TAX1BP1: variants seen among roughly 807,000 people sequenced by gnomAD.
TAX1BP1 encodes the protein Tax1 binding protein 1, also known as tax1-binding protein 1.
TAX1BP1 carries 62 observed loss-of-function variants against 97.7 expected under a neutral mutation model. The ratio of observed to expected loss-of-function variants is 0.63; its 90% CI spans 0.52 to 0.78. The LOEUF is 0.78. TAX1BP1 is among the 30% of genes least tolerant of loss of function. The pLI is 0.00. For missense variants in TAX1BP1, 867 were observed against 916.1 expected, an observed-to-expected ratio of 0.95 and a Z score of 0.69; for synonymous variants, 340 against 304.2, an observed-to-expected ratio of 1.12 and a Z score of -1.23.
At chr7:27,789,197 C>A (rs899522147) in intron 8 of TAX1BP1, among the ~76,000 whole-genome samples, 1 of 151,964 alleles carries the variant, frequency 6.6e-6, no homozygotes, top group Admixed American at 6.6e-5. Flanking sequence ...ATAGAAACGC[C>A]ATGTTCAAAA....
At chr7:27,758,424 A>G (rs1235753836) in intron 3 of TAX1BP1, 4 of 211,592 alleles carry the variant, frequency 1.9e-5, no homozygotes, top group Middle Eastern at 1.6e-3. Flanking sequence ...AGAAAACAAT[A>G]CAATAGTAAT....
chr7:27,742,203 C>T (rs1446737989), intron 1 of TAX1BP1, among the ~76,000 whole-genome samples: 4 of 152,150 alleles, frequency 2.6e-5, no homozygotes, highest in Admixed American at 2.6e-4. Flanking sequence ...AGACCCTTTA[C>T]GGATGTCGGG....
At chr7:27,787,296 A>G (rs543167578) in intron 7 of TAX1BP1, 122 bp from the exon 8 acceptor site, 4 of 842,876 alleles carry the variant, frequency 4.7e-6, no homozygotes, top group Admixed American at 3.4e-5. Context: ...CCTAAATCCT[A>G]GTCTAGTATG....
rs1187889976 is a variant in TAX1BP1 at position 27,792,119 on chromosome 7, A to G, written c.1152A>G (p.Arg384=). 3 of 1,614,102 alleles carry G rather than the reference A, an allele frequency of 1.9e-6. No homozygotes were observed. The highest frequency in any genetic ancestry group is 8.5e-7 in the Non-Finnish European group (1 of 1,180,030). The part of the protein sequence containing the change: ...AKELSDAVNV[R]DRTMADLHTA... ...AACTCAGTGATGCTGTCAACGTACG[A>G]GACAGAACGATGGCAGACCTGCATA... The change falls in exon 9 of 17, where the codon CGA becomes CGG. Residue 384 remains arginine (R), a synonymous_variant. Coordinates refer to ENST00000396319, the MANE Select transcript of TAX1BP1 (RefSeq NM_006024.7).
intron 5 of TAX1BP1, among the ~76,000 whole-genome samples, chr7:27,783,848 A>G (rs886962505): frequency 6.6e-6 from 1 of 152,202 alleles, no homozygotes; most frequent in African/African-American, 2.4e-5. Context: ...AAATGTGCCC[A>G]ATTTCACAGC....
At chr7:27,759,754 TA>T (rs78003562) in intron 3 of TAX1BP1, among the ~76,000 whole-genome samples, 1 of 152,108 alleles carries the variant, frequency 6.6e-6, no homozygotes, top group East Asian at 1.9e-4. Flanking sequence ...ATCACTACTT[TA>T]AAAAAATGTG....
In TAX1BP1 at chr7:27,829,062, T is replaced by A; in HGVS notation, c.*233T>A. On this transcript the variant is annotated 3_prime_UTR_variant, in exon 17 of 17. Coordinates refer to ENST00000396319, the MANE Select transcript of TAX1BP1 (RefSeq NM_006024.7). Reference sequence around the variant, plus strand: ...CCTGCTTTAAAAAAAAGTTCTTGTGTGTTCGTATCTTTATTTATTCCCTAG... The same window carrying A: ...CCTGCTTTAAAAAAAAGTTCTTGTGAGTTCGTATCTTTATTTATTCCCTAG... 1 of 398,588 alleles carries A rather than the reference T, an allele frequency of 2.5e-6. No homozygotes were observed. The highest frequency in any genetic ancestry group is 3.8e-5 in the East Asian group (1 of 26,080). The allele number at this position is 398,588 out of a possible 1,614,324, so 24.7% of individuals were successfully genotyped here.
intron 9 of TAX1BP1, among the ~76,000 whole-genome samples, chr7:27,792,746 G>GATCCCAGGA (rs1327880157): frequency 1.3e-5 from 2 of 152,018 alleles, no homozygotes; most frequent in Non-Finnish European, 2.9e-5. Flanking sequence ...AAGATCGCTT[G>GATCCCAGGA]ATCCCAGGAA....
At chr7:27,812,674 A>G (rs898621450) in intron 13 of TAX1BP1, among the ~76,000 whole-genome samples, 1 of 152,168 alleles carries the variant, frequency 6.6e-6, no homozygotes, top group African/African-American at 2.4e-5. Context: ...TATGTAGTCA[A>G]AGTTTATTTT....
In TAX1BP1 at chr7:27,787,634, T is replaced by C. The variant is rs752576134; in HGVS notation, c.1038+31T>C. 34 of 1,538,732 alleles carry C rather than the reference T, an allele frequency of 2.2e-5. No homozygotes were observed. In the South Asian group the frequency reaches 4.3e-4, roughly 19 times the overall value. On this transcript the variant is annotated intron_variant, in intron 8 of 16. Transcript: ENST00000396319. The stretch of plus-strand genomic sequence containing the variant: ...TACTTTTGCTATATATATTTGAAGA[T>C]TGTAAAACATACCTATGAAATGTAT...
chr7:27,818,371 T>G (rs1260217855), intron 15 of TAX1BP1, among the ~76,000 whole-genome samples: 1 of 152,078 alleles, frequency 6.6e-6, no homozygotes, highest in Admixed American at 6.6e-5. Flanking sequence ...TTATGTATAT[T>G]CAGAATTAAA....
chr7:27,815,380 T>A (rs1790727702), intron 13 of TAX1BP1, among the ~76,000 whole-genome samples: 1 of 152,218 alleles, frequency 6.6e-6, no homozygotes, highest in South Asian at 2.1e-4. Flanking sequence ...TCTGCATCAA[T>A]TGAAATGATC....
chr7:27,818,727 A>G (rs1372678844), intron 15 of TAX1BP1, among the ~76,000 whole-genome samples: 1 of 152,070 alleles, frequency 6.6e-6, no homozygotes, highest in Non-Finnish European at 1.5e-5. Context: ...ACATTTCTAT[A>G]CCCCTCTTTG....
chr7:27,771,306 T>C (rs1788841686), intron 5 of TAX1BP1, among the ~76,000 whole-genome samples: 1 of 150,474 alleles, frequency 6.6e-6, no homozygotes, highest in African/African-American at 2.4e-5. Flanking sequence ...GTGAGATAGA[T>C]GACTCATGAA....
At chr7:27,812,751 TC>T in intron 13 of TAX1BP1, among the ~76,000 whole-genome samples, 1 of 152,336 alleles carries the variant, frequency 6.6e-6, no homozygotes, top group Admixed American at 6.5e-5. Flanking sequence ...TAGAATTTCC[TC>T]TACATCTTGA....
At chr7:27,750,244 G>A (rs910119965) in intron 2 of TAX1BP1, among the ~76,000 whole-genome samples, 2 of 152,170 alleles carry the variant, frequency 1.3e-5, no homozygotes, top group African/African-American at 4.8e-5. Context: ...AATGGTACAG[G>A]TTGAACATCC....
chr7:27,827,853 T>C (rs1481457675), intron 16 of TAX1BP1, 33 bp downstream of exon 16: 1 of 1,592,974 alleles, frequency 6.3e-7, no homozygotes, highest in Non-Finnish European at 8.6e-7. Context: ...AGAATTTGGG[T>C]TATATCGGCC....
At chr7:27,748,413 A>G (rs1420385228) in intron 1 of TAX1BP1, 105 bp from the exon 2 acceptor site, 6 of 717,224 alleles carry the variant, frequency 8.4e-6, no homozygotes, top group African/African-American at 1.8e-5. Context: ...CTTAATTATG[A>G]CATGCAAATA....
intron 12 of TAX1BP1, among the ~76,000 whole-genome samples, chr7:27,797,289 G>A (rs1366742385): frequency 6.6e-6 from 1 of 151,944 alleles, no homozygotes; most frequent in Non-Finnish European, 1.5e-5. Context: ...GAGCCACCGC[G>A]CCCGGCCTAT....
Sources: allele counts gnomAD v4.1 joint callset (sites outside exome capture counted in the v4.1 genomes callset), GRCh38; gene constraint gnomAD v4.1.1; transcripts MANE v1.5; gene names NCBI Gene and HGNC (gene_info 2026-07-23, HGNC 2026-07-21).